Variants in SHROOM2 observed in about 807,000 individuals in gnomAD.
SHROOM2 encodes protein Shroom2.
A neutral mutation model predicts 75.9 loss-of-function variants in SHROOM2; 33 were observed. The observed-to-expected ratio is 0.43, with a 90% CI of 0.33 to 0.58. The LOEUF (loss-of-function observed/expected upper bound fraction) is 0.58. SHROOM2 is among the 20% of genes least tolerant of loss of function. The pLI is 0.04. For missense variants in SHROOM2, 1,434 were observed against 1,461.2 expected, an observed-to-expected ratio of 0.98 and a Z score of 0.30; for synonymous variants, 655 against 663.6, an observed-to-expected ratio of 0.99 and a Z score of 0.20.
chrX:9,946,649 A>G (rs2084821840), intron 9 of SHROOM2, 22 bp from the exon 10 acceptor site: 7 of 1,196,335 alleles, frequency 5.9e-6, no homozygotes, highest in Non-Finnish European at 6.8e-6. Flanking sequence ...GGTCCTCAAC[A>G]GGCTTGTTTG....
intron 1 of SHROOM2, among the ~76,000 whole-genome samples, chrX:9,809,264 T>G (rs1186308845): frequency 5.4e-5 from 6 of 111,298 alleles, no homozygotes; most frequent in Non-Finnish European, 9.4e-5. Flanking sequence ...GTCTGATGTT[T>G]GAGGCCAGGA....
intron 1 of SHROOM2, among the ~76,000 whole-genome samples, chrX:9,849,613 C>T (rs2084027544): frequency 1.8e-5 from 2 of 111,584 alleles, no homozygotes; most frequent in African/African-American, 6.5e-5. Flanking sequence ...TCTTTATTTG[C>T]TCCTGGATCA....
chrX:9,896,103 T>C lies in SHROOM2; in HGVS notation c.2195T>C (p.Leu732Pro). The change falls in exon 4 of 10, where the codon CTG becomes CCG. Residue 732 changes from leucine to proline, a missense_variant. Leu to Pro is a moderately conservative substitution (Grantham distance 98). This residue lies in a region of SHROOM2 where 1,340 missense variants were observed against 1,338.3 expected (regional missense o/e 1.00). Transcript: ENST00000380913. ...GTCCCCCACTTCTGGGAGGCAGGCC[T>C]GGCCCAGCCACCCTCATCTACAAGT... The part of the protein sequence containing the change: ...DTVPHFWEAG[L>P]AQPPSSTSGG... 8.3e-7 allele frequency: 1 copy of C among 1,210,026 alleles called. No homozygotes were observed. The highest frequency in any genetic ancestry group is 1.1e-6 in the Non-Finnish European group (1 of 894,999).
chrX:9,811,090 A>G (rs1306959793), intron 1 of SHROOM2, among the ~76,000 whole-genome samples: 1 of 112,138 alleles, frequency 8.9e-6, no homozygotes, highest in Non-Finnish European at 1.9e-5. Context: ...GTAAGTGTCT[A>G]TTCCAGTGAG....
In SHROOM2 at chrX:9,946,966, C is replaced by T. The variant is rs766402879; in HGVS notation, c.*29C>T. The T allele has an allele frequency of 2.7e-5, 31 of 1,158,500 alleles. No homozygotes were observed. The highest frequency in any genetic ancestry group is 2.7e-4 in the Middle Eastern group (1 of 3,652). On this transcript the variant is annotated 3_prime_UTR_variant, in exon 10 of 10. Transcript: ENST00000380913. ...ACCAGTCCCCGGTGGAGGAGGGGCA[C>T]GGGGCCTCCGAGCTCCAGCTCCGTT...
intron 5 of SHROOM2, chrX:9,913,068 C>G (rs2084446353): frequency 8.9e-6 from 1 of 112,411 alleles, no homozygotes; most frequent in African/African-American, 3.2e-5. Context: ...GACCCTTGCT[C>G]CATGTGAGTT....
At chrX:9,849,767 G>C (rs964245992) in intron 1 of SHROOM2, among the ~76,000 whole-genome samples, 1 of 111,967 alleles carries the variant, frequency 8.9e-6, no homozygotes, top group African/African-American at 3.2e-5. Flanking sequence ...AGAGAACTTT[G>C]CCAATCTCTT....
intron 1 of SHROOM2, among the ~76,000 whole-genome samples, chrX:9,805,903 C>CA (rs34172058): frequency 0.037 from 1,927 of 51,668 alleles, 48 homozygotes; most frequent in African/African-American, 0.088. Context: ...AACTGTGTCT[C>CA]AAAAAAAAAA....
At chrX:9,936,419 T>C (rs1244445212) in intron 6 of SHROOM2, among the ~76,000 whole-genome samples, 3 of 111,460 alleles carry the variant, frequency 2.7e-5, no homozygotes, top group African/African-American at 6.5e-5. Flanking sequence ...GCTGACACTT[T>C]TTTAAAAAAA....
intron 1 of SHROOM2, among the ~76,000 whole-genome samples, chrX:9,859,283 G>A (rs1281378436): frequency 4.0e-5 from 2 of 49,828 alleles, no homozygotes; most frequent in East Asian, 6.3e-4. Flanking sequence ...GATGAAAGCA[G>A]GGCTTTAGAC....
chrX:9,852,177 A>AT (rs2146778025), intron 1 of SHROOM2, among the ~76,000 whole-genome samples: 1 of 23,523 alleles, frequency 4.3e-5, no homozygotes, highest in East Asian at 3.5e-3. Context: ...AGTGCCCATG[A>AT]AAAGGTAGAT....
intron 1 of SHROOM2, among the ~76,000 whole-genome samples, chrX:9,863,058 C>T (rs973288888): frequency 1.8e-5 from 2 of 110,780 alleles, no homozygotes; most frequent in African/African-American, 3.3e-5. Context: ...GGGCTCTATG[C>T]TGACCTCCCT....
Position 9,873,552 on chromosome X carries a change from C to T in SHROOM2, c.166-100C>T, listed in dbSNP as rs781201480. 10 of 999,794 alleles carry T rather than the reference C, an allele frequency of 1.0e-5. No homozygotes were observed. In the South Asian group the frequency reaches 1.7e-4, roughly 17 times the overall value. 82.4% of individuals were successfully genotyped at this position (999,794 alleles called of 1,213,427 possible). The stretch of plus-strand genomic sequence containing the variant: ...ATAAGGTCAGCCCCCAGGGCCCATT[C>T]CCGCCAAGTGTGAGGTATGTCTGCT... On this transcript the variant is annotated intron_variant, in intron 1 of 9. Coordinates refer to ENST00000380913, the MANE Select transcript of SHROOM2 (RefSeq NM_001649.4).
intron 1 of SHROOM2, among the ~76,000 whole-genome samples, chrX:9,817,687 G>A (rs1430186904): frequency 2.7e-5 from 3 of 112,417 alleles, no homozygotes; most frequent in Non-Finnish European, 5.6e-5. Context: ...CTACCTCGCA[G>A]TGTACATTAC....
At chrX:9,843,038 A>T (rs1284031820) in intron 1 of SHROOM2, among the ~76,000 whole-genome samples, 1 of 111,592 alleles carries the variant, frequency 9.0e-6, no homozygotes, top group African/African-American at 3.3e-5. Context: ...GGTGCTGGTC[A>T]CTCTTGGGGC....
At chrX:9,872,382 G>C (rs746750275) in intron 1 of SHROOM2, among the ~76,000 whole-genome samples, 1 of 112,328 alleles carries the variant, frequency 8.9e-6, no homozygotes, top group East Asian at 2.8e-4. Context: ...CTGGCCAATG[G>C]GGTGAAACCC....
intron 1 of SHROOM2, among the ~76,000 whole-genome samples, chrX:9,812,407 A>G (rs1187783979): frequency 8.9e-6 from 1 of 111,898 alleles, no homozygotes; most frequent in Non-Finnish European, 1.9e-5. Flanking sequence ...CACCCAAATG[A>G]GGTGTTGCCT....
At chrX:9,847,755 T>A (rs1164357249) in intron 1 of SHROOM2, among the ~76,000 whole-genome samples, 1 of 111,970 alleles carries the variant, frequency 8.9e-6, no homozygotes, top group African/African-American at 3.3e-5. Context: ...GCCTAAATGC[T>A]TGTGCTGAGT....
Position 9,947,274 on chromosome X carries a change from G to A in SHROOM2, c.*337G>A, listed in dbSNP as rs760373416. On this transcript the variant is annotated 3_prime_UTR_variant, in exon 10 of 10. Coordinates refer to ENST00000380913, the MANE Select transcript of SHROOM2 (RefSeq NM_001649.4). ...CAGTGGGAAACCCGTTGTTCCTCCC[G>A]TCTTCAGATGCTGAGCCAACTGCTT... 90 of 241,131 alleles carry A rather than the reference G, an allele frequency of 3.7e-4. 1 individual carries two copies. Among genetic ancestry groups the A allele is most frequent in the South Asian group, 6.1e-4 (6 of 9,871 alleles). The allele number at this position is 241,131 out of a possible 1,213,427, so 19.9% of individuals were successfully genotyped here. A position where few individuals can be genotyped will look rare whatever the true frequency, so the allele number is the denominator to read the frequency against.
Sources: gnomAD v4.1 joint callset for allele counts (sites outside exome capture counted in the v4.1 genomes callset) on GRCh38, gnomAD v4.1.1 for gene constraint, gnomAD v4.1.1 regional missense constraint, MANE v1.5 for transcripts, NCBI Gene and HGNC (gene_info 2026-07-23, HGNC 2026-07-21) for gene names.